ANKRD55: variants seen among roughly 807,000 people sequenced by gnomAD.
The protein encoded by ANKRD55 is ankyrin repeat domain 55.
ANKRD55 carries 41 observed loss-of-function variants against 60.6 expected under a neutral mutation model. The ratio of observed to expected loss-of-function variants is 0.68; its 90% confidence interval spans 0.53 to 0.88. The LOEUF (loss-of-function observed/expected upper bound fraction) is 0.88. ANKRD55 is among the 40% of genes least tolerant of loss of function. ANKRD55 has a pLI of 0.00. For synonymous variants in ANKRD55, 264 were observed against 290.3 expected, an observed-to-expected ratio of 0.91 and a Z score of 0.92; for missense variants, 732 against 767.6, an observed-to-expected ratio of 0.95 and a Z score of 0.55.
chr5:56,152,948 A>G (rs527694058), intron 6 of ANKRD55, among the ~76,000 whole-genome samples: 1 of 152,338 alleles, frequency 6.6e-6, no homozygotes, highest in South Asian at 2.1e-4. Context: ...CATTTTAATT[A>G]TATCAGATTT....
chr5:56,217,538 G>A (rs891589011), intron 2 of ANKRD55, among the ~76,000 whole-genome samples: 1 of 151,286 alleles, frequency 6.6e-6, no homozygotes, highest in African/African-American at 2.5e-5. Flanking sequence ...TGCTCTATTA[G>A]TTTCTGCCAG....
At chr5:56,156,064 T>G (rs1561273532) in intron 6 of ANKRD55, among the ~76,000 whole-genome samples, 1 of 151,954 alleles carries the variant, frequency 6.6e-6, no homozygotes, top group African/African-American at 2.4e-5. Context: ...AGAGATGAGG[T>G]AGCACACTCT....
chr5:56,163,988 A>C (rs1037776340), intron 5 of ANKRD55, among the ~76,000 whole-genome samples: 7 of 152,082 alleles, frequency 4.6e-5, no homozygotes, highest in African/African-American at 1.7e-4. Flanking sequence ...GCTACTAGGG[A>C]GGCTGAGGTC....
chr5:56,135,320 T>TTTCC (rs1561264070), intron 7 of ANKRD55, among the ~76,000 whole-genome samples: 1 of 15,236 alleles, frequency 6.6e-5, no homozygotes, highest in Non-Finnish European at 1.3e-4. Flanking sequence ...TCTTTCTTTC[T>TTTCC]TTCTTTCTTT....
At chr5:56,125,477 G>A (rs1386327894) in intron 8 of ANKRD55, among the ~76,000 whole-genome samples, 7 of 151,686 alleles carry the variant, frequency 4.6e-5, no homozygotes, top group Non-Finnish European at 5.9e-5. Flanking sequence ...GATGGGTTTC[G>A]CCATGTTGGC....
At chr5:56,203,246 C>A (rs1189397068) in intron 2 of ANKRD55, among the ~76,000 whole-genome samples, 2 of 152,112 alleles carry the variant, frequency 1.3e-5, no homozygotes, top group African/African-American at 4.8e-5. Flanking sequence ...GGCGGAGGGA[C>A]CTCGTGGGAG....
intron 4 of ANKRD55, among the ~76,000 whole-genome samples, 195 bp downstream of exon 4, chr5:56,175,957 C>G (rs1192487606): frequency 6.6e-6 from 1 of 152,112 alleles, no homozygotes; most frequent in South Asian, 2.1e-4. Context: ...TTAGGAAGAT[C>G]CAAAATGGCC....
chr5:56,156,891 G>C lies in ANKRD55; in HGVS notation c.483+2942C>G, dbSNP rs79513081. ...GGTCATTAATGCTAGTCAGAGGGAG[G>C]CCTTTAATCAGAAGGCTCAAGACAG... On this transcript the variant is annotated intron_variant, in intron 6 of 11. Transcript: ENST00000341048. 954 of 152,346 alleles carry C rather than the reference G, an allele frequency of 6.3e-3. 14 individuals carry two copies. The highest frequency in any genetic ancestry group is 0.021 in the African/African-American group (872 of 41,562). The allele number at this position is 152,346 out of a possible 1,614,324, so 9.4% of individuals were successfully genotyped here. A position where few individuals can be genotyped will look rare whatever the true frequency, so the allele number is the denominator to read the frequency against.
chr5:56,101,911 T>A (rs1005360239), intron 11 of ANKRD55, among the ~76,000 whole-genome samples: 5 of 152,086 alleles, frequency 3.3e-5, no homozygotes, highest in African/African-American at 1.2e-4. Context: ...AGCACCTTCC[T>A]AAAGACATTA....
intron 11 of ANKRD55, among the ~76,000 whole-genome samples, chr5:56,101,557 T>C (rs1042893858): frequency 6.6e-6 from 1 of 152,096 alleles, no homozygotes; most frequent in African/African-American, 2.4e-5. Context: ...TAAAACTTGC[T>C]TTATTATTAT....
rs1290743346 is a variant in ANKRD55, at chr5:56,111,167, T to C, written c.1581A>G (p.Gln527=). 2.5e-6 allele frequency: 4 copies of C among 1,614,196 alleles called. No homozygotes were observed. Among genetic ancestry groups the C allele is most frequent in the Non-Finnish European group, 1.7e-6 (2 of 1,180,020 alleles). The change falls in exon 10 of 12, where the codon CAA becomes CAG. Residue 527 remains glutamine, a synonymous_variant. Coordinates refer to ENST00000341048, the MANE Select transcript of ANKRD55 (RefSeq NM_024669.3). ...DRLLSVRPGH[Q]EVSVPPHLRH... ...GAAGGTGTGGTGGCACGGAGACCTC[T>C]TGGTGACCAGGCCGGACACTGAGCA...
intron 6 of ANKRD55, 130 bp from the exon 7 acceptor site, chr5:56,144,059 T>C (rs1202950083): frequency 6.8e-6 from 8 of 1,182,672 alleles, no homozygotes; most frequent in Non-Finnish European, 9.7e-6. Context: ...GGTTCATTCA[T>C]TCATTCATTA....
At chr5:56,141,870 C>T (rs185182855) in intron 7 of ANKRD55, among the ~76,000 whole-genome samples, 8 of 152,316 alleles carry the variant, frequency 5.3e-5, no homozygotes, top group Non-Finnish European at 1.0e-4. Context: ...TATGCATGGT[C>T]TCATTCTGAC....
chr5:56,160,011 G>T, intron 5 of ANKRD55, 118 bp from the exon 6 acceptor site: 1 of 797,040 alleles, frequency 1.3e-6, no homozygotes. Flanking sequence ...AAATGAAGAT[G>T]AGGGCCCTTT....
chr5:56,229,034 G>A (rs1462458973), intron 2 of ANKRD55, among the ~76,000 whole-genome samples: 1 of 151,118 alleles, frequency 6.6e-6, no homozygotes, highest in African/African-American at 2.4e-5. Context: ...CAACAATACA[G>A]AAGAGTGGGT....
At chr5:56,179,086 A>G (rs1483109174) in intron 3 of ANKRD55, among the ~76,000 whole-genome samples, 1 of 152,214 alleles carries the variant, frequency 6.6e-6, no homozygotes, top group East Asian at 1.9e-4. Flanking sequence ...ACAAAGAGAT[A>G]TAATCAAAGA....
At chr5:56,222,178 G>A (rs556371480) in intron 2 of ANKRD55, among the ~76,000 whole-genome samples, 15 of 152,256 alleles carry the variant, frequency 9.9e-5, no homozygotes, top group African/African-American at 2.2e-4. Context: ...AGCAACATTC[G>A]CCGTTCTGCA....
intron 7 of ANKRD55, among the ~76,000 whole-genome samples, chr5:56,138,372 C>G (rs766499786): frequency 2.0e-5 from 3 of 152,050 alleles, no homozygotes; most frequent in African/African-American, 7.2e-5. Flanking sequence ...ATGATCCGCC[C>G]GCCTTGGCCT....
chr5:56,217,398 T>G (rs949569987), intron 2 of ANKRD55, among the ~76,000 whole-genome samples: 2 of 152,234 alleles, frequency 1.3e-5, no homozygotes, highest in Non-Finnish European at 2.9e-5. Flanking sequence ...GGATCCATTC[T>G]GCAGCCCATG....
Sources: allele counts gnomAD v4.1 joint callset (sites outside exome capture counted in the v4.1 genomes callset), GRCh38; gene constraint gnomAD v4.1.1; transcripts MANE v1.5; gene names NCBI Gene and HGNC (gene_info 2026-07-23, HGNC 2026-07-21).